ZBP1: variants seen among roughly 807,000 people sequenced by gnomAD.
ZBP1 encodes the protein Z-DNA binding protein 1.
ZBP1 carries 42 observed loss-of-function variants against 41.1 expected under a neutral mutation model. That is an observed-to-expected ratio of 1.02 (90% CI 0.80 to 1.32). The LOEUF (loss-of-function observed/expected upper bound fraction) is 1.32. ZBP1 is among the 40% of genes most tolerant of loss of function. ZBP1 has a pLI of 0.00. For missense variants in ZBP1, 562 were observed against 549.7 expected (o/e 1.02, Z -0.22); for synonymous variants, 214 against 205.2 (o/e 1.04, Z -0.37).
intron 2 of ZBP1, 79 bp downstream of exon 2, chr20:57,616,165 C>T (rs1209430124): frequency 1.4e-6 from 2 of 1,389,350 alleles, no homozygotes; most frequent in Admixed American, 1.9e-5. Flanking sequence ...CAGATTCGAA[C>T]CCAGGCTCAA....
chr20:57,615,536 C>T lies in ZBP1; in HGVS notation c.304G>A (p.Gly102Ser). Residue 102 changes from glycine (G) to serine (S), a missense_variant, in exon 3 of 8, where the codon GGC becomes AGC. Gly to Ser is a moderately conservative substitution (Grantham distance 56). Coordinates refer to ENST00000371173, the MANE Select transcript of ZBP1 (RefSeq NM_030776.3). ...CCCCGTTGTTGGCTGAACTGAGGGC[C>T]AGGGGTCTCTGGAATTGTAGCTGCA... is the stretch of plus-strand genomic sequence containing the variant. ...QHAATIPETPGPQFSQQREED... is the reference protein window; with the variant it reads ...QHAATIPETPSPQFSQQREED... 1.2e-6 allele frequency: 2 copies of T among 1,613,324 alleles called. No homozygotes were observed. Among genetic ancestry groups the T allele is most frequent in the Non-Finnish European group, 8.5e-7 (1 of 1,179,750 alleles).
chr20:57,616,233 G>A lies in ZBP1; in HGVS notation c.259+11C>T, dbSNP rs770067354. On this transcript the variant is annotated intron_variant, in intron 2 of 7. Coordinates refer to ENST00000371173, the MANE Select transcript of ZBP1 (RefSeq NM_030776.3). ...GCAGGGTCAGACCCGCCTCCCCGGG[G>A]TGGCAGTTACCAGGGCTGGACAAGG... The A allele has an allele frequency of 5.0e-6, 8 of 1,613,178 alleles. No individual in the cohort carries two copies. In the African/African-American group the frequency reaches 8.0e-5, roughly 16 times the overall value.
Position 57,604,535 on chromosome 20 carries a change from C to A in ZBP1, c.*38G>T, listed in dbSNP as rs140968310. 44 of 1,605,446 alleles carry A rather than the reference C, an allele frequency of 2.7e-5. No individual in the cohort carries two copies. The African/African-American group carries it at 4.5e-4, about 17-fold the overall frequency. On this transcript the variant is annotated 3_prime_UTR_variant, in exon 8 of 8. Coordinates refer to ENST00000371173, the MANE Select transcript of ZBP1 (RefSeq NM_030776.3). The stretch of plus-strand genomic sequence containing the variant: ...GGCTAGTCTCCCTAGCATGCGCCCA[C>A]CCCCAGCCTGTGTCCAAGCCCCACG...
intron 7 of ZBP1, among the ~76,000 whole-genome samples, chr20:57,605,083 A>G (rs1243591297): frequency 6.6e-6 from 1 of 152,014 alleles, no homozygotes; most frequent in Admixed American, 6.6e-5. Flanking sequence ...TGGCACTGAC[A>G]GTCTCTGATT....
chr20:57,611,970 G>A, intron 5 of ZBP1, 40 bp from the exon 6 acceptor site: 1 of 1,540,246 alleles, frequency 6.5e-7, no homozygotes. Context: ...GGAGATTACT[G>A]CAGGCTTCTT....
chr20:57,613,321 C>G lies in ZBP1; in HGVS notation c.512G>C (p.Gly171Ala). 6.2e-7 allele frequency: 1 copy of G among 1,613,386 alleles called. No homozygotes were observed. Among genetic ancestry groups the G allele is most frequent in the Admixed American group, 1.7e-5 (1 of 60,028 alleles). Reference protein sequence around the residue: ...AWTIYRPEDSGRRAKSASIIY... With the variant: ...AWTIYRPEDSARRAKSASIIY... ...AATTGAGGCTGACTTTGCTCTTCTTCCAGAATCTTCTGCAAAATAATATTC... is the reference window on the plus strand; with the variant it reads ...AATTGAGGCTGACTTTGCTCTTCTTGCAGAATCTTCTGCAAAATAATATTC... The change falls in exon 5 of 8, where the codon GGA becomes GCA. Residue 171 changes from glycine to alanine, a missense_variant. By Grantham distance (60) the Gly-to-Ala change is moderately conservative. Coordinates refer to ENST00000371173, the MANE Select transcript of ZBP1 (RefSeq NM_030776.3). The surrounding 1 kb of genome is among the most constrained non-coding windows in gnomAD (Gnocchi z 4.5).
chr20:57,605,011 AG>A (rs1166783248), intron 7 of ZBP1, among the ~76,000 whole-genome samples: 1 of 152,126 alleles, frequency 6.6e-6, no homozygotes, highest in Non-Finnish European at 1.5e-5. Flanking sequence ...AACACCAGAA[AG>A]CCCCCATCCC....
intron 7 of ZBP1, among the ~76,000 whole-genome samples, chr20:57,609,675 C>T (rs562212351): frequency 1.5e-3 from 230 of 152,178 alleles, no homozygotes; most frequent in Middle Eastern, 0.01. Flanking sequence ...GCGGGGCCAC[C>T]GTGTGTGGCA....
rs536176928 is a variant in ZBP1, at chr20:57,610,060, C to G, written c.1093+89G>C. 2.9e-6 allele frequency: 4 copies of G among 1,397,568 alleles called. No homozygotes were observed. The South Asian group carries it at 3.8e-5, about 13-fold the overall frequency. The allele number at this position is 1,397,568 out of a possible 1,614,324, so 86.6% of individuals were successfully genotyped here. A position where few individuals can be genotyped will look rare whatever the true frequency, so the allele number is the denominator to read the frequency against. ...CAGACTCCGGGAAACCAGAGATTAG[C>G]GAATGATCGATGAGAGTGAATGAAT... On this transcript the variant is annotated intron_variant, in intron 7 of 7. Coordinates refer to ENST00000371173, the MANE Select transcript of ZBP1 (RefSeq NM_030776.3). This position sits in a 1 kb window ranked among gnomAD's most constrained non-coding sequence, Gnocchi z 5.5.
Position 57,620,307 on chromosome 20 carries a change from C to T in ZBP1, c.-12G>A, listed in dbSNP as rs544609328. On this transcript the variant is annotated 5_prime_UTR_variant, in exon 1 of 8. Coordinates refer to ENST00000371173, the MANE Select transcript of ZBP1 (RefSeq NM_030776.3). ...GGAGCCTGGGCCATGCTGACAGCAGCTGCAAGGAGTCGGAGAGACTTGGCA... is the reference window on the plus strand; with the variant it reads ...GGAGCCTGGGCCATGCTGACAGCAGTTGCAAGGAGTCGGAGAGACTTGGCA... 52 of 1,594,764 alleles carry T rather than the reference C, an allele frequency of 3.3e-5. No individual in the cohort carries two copies. In the South Asian group the frequency reaches 5.6e-4, roughly 17 times the overall value.
intron 1 of ZBP1, 173 bp from the exon 2 acceptor site, chr20:57,616,641 T>C (rs576294249): frequency 3.1e-6 from 2 of 649,084 alleles, no homozygotes; most frequent in South Asian, 3.8e-5. Context: ...GGCAGCTGCA[T>C]CTGCCCAGAG....
In ZBP1 at chr20:57,620,218, C is replaced by T. The variant is rs371117625; in HGVS notation, c.34+44G>A. 5.8e-6 allele frequency: 9 copies of T among 1,559,514 alleles called. No homozygotes were observed. The African/African-American group carries it at 8.2e-5, about 14-fold the overall frequency. Reference sequence around the variant, plus strand: ...GGAGGAAAGAGAAGTAGAAATCTCACCCCGGGAGCTACCGCTGGTCCTTGG... The same window carrying T: ...GGAGGAAAGAGAAGTAGAAATCTCATCCCGGGAGCTACCGCTGGTCCTTGG... On this transcript the variant is annotated intron_variant, in intron 1 of 7. Coordinates refer to ENST00000371173, the MANE Select transcript of ZBP1 (RefSeq NM_030776.3).
chr20:57,612,375 G>A (rs561840178), intron 5 of ZBP1, among the ~76,000 whole-genome samples: 1 of 152,254 alleles, frequency 6.6e-6, no homozygotes, highest in South Asian at 2.1e-4. Flanking sequence ...TTTTAAAAAG[G>A]TGCACTACTC....
At position 57,603,992 on chromosome 20, in the gene ZBP1, G is replaced by C. The variant is rs1279636252; in HGVS notation, c.*581C>G. ...ACACCATTCTCCTCCCTCAGCCTCC[G>C]GAGTAGCTGGGACTCCAGGTGCCCG... On this transcript the variant is annotated 3_prime_UTR_variant, in exon 8 of 8. Coordinates refer to ENST00000371173, the MANE Select transcript of ZBP1 (RefSeq NM_030776.3). The surrounding 1 kb of genome is among the most constrained non-coding windows in gnomAD (Gnocchi z 4.6). The C allele has an allele frequency of 4.4e-5, 8 of 180,622 alleles. No homozygotes were observed. The highest frequency in any genetic ancestry group is 3.6e-4 in the East Asian group (2 of 5,516). The allele number at this position is 180,622 out of a possible 1,614,324, so 11.2% of individuals were successfully genotyped here.
intron 1 of ZBP1, chr20:57,617,332 CT>C (rs1275465081): frequency 6.6e-6 from 1 of 152,570 alleles, no homozygotes; most frequent in Non-Finnish European, 1.5e-5. Flanking sequence ...ATGATGTCTA[CT>C]CAACCTCCAG....
In ZBP1 at chr20:57,604,524, G is replaced by C. The variant is rs1408684862; in HGVS notation, c.*49C>G. The C allele has an allele frequency of 6.2e-7, 1 of 1,600,632 alleles. No individual in the cohort carries two copies. Among genetic ancestry groups the C allele is most frequent in the Non-Finnish European group, 8.5e-7 (1 of 1,170,020 alleles). ...AGAGAGCAGCAGGCTAGTCTCCCTA[G>C]CATGCGCCCACCCCCAGCCTGTGTC... On this transcript the variant is annotated 3_prime_UTR_variant, in exon 8 of 8. Transcript: ENST00000371173.
At chr20:57,605,105 C>CAAACAAAACA (rs11472817) in intron 7 of ZBP1, among the ~76,000 whole-genome samples, 1,937 of 150,332 alleles carry the variant, frequency 0.013, 20 homozygotes, top group East Asian at 0.025. Context: ...GCAATTTCCT[C>CAAACAAAACA]AAACAAAACA....
intron 7 of ZBP1, among the ~76,000 whole-genome samples, chr20:57,608,288 ATTT>A (rs1273471058): frequency 1.3e-5 from 2 of 151,984 alleles, no homozygotes; most frequent in Non-Finnish European, 2.9e-5. Flanking sequence ...TGCCTGGCTA[ATTT>A]TTTGTATTTT....
rs3068061 is a variant in ZBP1, at chr20:57,611,411, A to ATTTTTTTTTTTTTTTTTT, written c.874+298_874+315dup. 5.2e-3 allele frequency among the ~76,000 whole-genome samples: 497 copies of ATTTTTTTTTTTTTTTTTT among 95,084 alleles called. 1 individual carries two copies. Among genetic ancestry groups the ATTTTTTTTTTTTTTTTTT allele is most frequent in the East Asian group, 7.2e-3 (21 of 2,934 alleles). 62.4% of individuals were successfully genotyped at this position (95,084 alleles called of 152,430 possible). ...AGGCGCAAGCCACCATGCCCGGTTA[A>ATTTTTTTTTTTTTTTTTT]TTTTTTTTTTTTTTTTTTTTGTATT... On this transcript the variant is annotated intron_variant, in intron 6 of 7. Transcript: ENST00000371173.
Sources: allele counts gnomAD v4.1 joint callset (sites outside exome capture counted in the v4.1 genomes callset), GRCh38; gene constraint gnomAD v4.1.1; non-coding constraint Gnocchi (gnomAD v3.1); transcripts MANE v1.5; gene names NCBI Gene and HGNC (gene_info 2026-07-23, HGNC 2026-07-21).